Variants in DCC observed in about 807,000 individuals in gnomAD.
DCC encodes the protein DCC netrin 1 receptor, also known as netrin receptor DCC.
A neutral mutation model predicts 172.5 loss-of-function variants in DCC; 58 were observed. The observed-to-expected ratio is 0.34, with a 90% confidence interval of 0.27 to 0.42. The LOEUF is 0.42. Ranked by LOEUF, DCC falls within the 10% of genes least tolerant of loss-of-function variation. The pLI, the probability that DCC is intolerant of heterozygous loss-of-function variation, is 1.00. For missense variants in DCC, 1,740 were observed against 1,791.0 expected (o/e 0.97, Z 0.51); for synonymous variants, 709 against 644.5 (o/e 1.10, Z -1.52).
chr18:52,610,042 G>A (rs1215303214), intron 1 of DCC, among the ~76,000 whole-genome samples: 6 of 148,324 alleles, frequency 4.0e-5, no homozygotes, highest in Admixed American at 6.7e-5. Context: ...GACTGGGCGC[G>A]GTGGCTTACA....
intron 1 of DCC, among the ~76,000 whole-genome samples, chr18:52,688,826 G>A (rs911781602): frequency 5.9e-5 from 9 of 151,956 alleles, no homozygotes; most frequent in African/African-American, 1.7e-4. Context: ...AATAACAGTA[G>A]CTCTTTTTTG....
chr18:53,160,806 T>C (rs1314619805), intron 8 of DCC, among the ~76,000 whole-genome samples: 3 of 152,208 alleles, frequency 2.0e-5, no homozygotes, highest in Non-Finnish European at 4.4e-5. Flanking sequence ...TCATGTAATA[T>C]AAGAAGGGGA....
chr18:53,464,979 C>CAAA (rs71179510), intron 24 of DCC, among the ~76,000 whole-genome samples: 1,971 of 54,734 alleles, frequency 0.036, 62 homozygotes, highest in African/African-American at 0.11. Flanking sequence ...AACTCAATCT[C>CAAA]AAAAAAAAAA....
In DCC at chr18:52,752,195, G is replaced by A. The variant is rs552730020; in HGVS notation, c.233G>A (p.Gly78Asp). The change falls in exon 2 of 29, where the codon GGC (glycine) becomes GAC (aspartate). Residue 78 changes from glycine (G) to aspartate (D), a missense_variant. By Grantham distance (94) the Gly-to-Asp change is moderately conservative. Coordinates refer to ENST00000442544, the MANE Select transcript of DCC (RefSeq NM_005215.4). ...CCAGTGATCAAGTGGAAGAAAGATG[G>A]CATTCATCTGGCCTTGGGAATGGAT... Reference protein sequence around the residue: ...GVPVIKWKKDGIHLALGMDER... With the variant: ...GVPVIKWKKDDIHLALGMDER... 2.5e-6 allele frequency: 4 copies of A among 1,614,040 alleles called. No homozygotes were observed. The highest frequency in any genetic ancestry group is 3.4e-6 in the Non-Finnish European group (4 of 1,180,052).
chr18:52,768,746 T>A (rs894014866), intron 2 of DCC, among the ~76,000 whole-genome samples: 17 of 152,182 alleles, frequency 1.1e-4, no homozygotes, highest in African/African-American at 4.1e-4. Context: ...CTTTCTGTCA[T>A]TATTTAGCAT....
At chr18:52,501,942 C>G (rs930380194) in intron 1 of DCC, among the ~76,000 whole-genome samples, 1 of 152,146 alleles carries the variant, frequency 6.6e-6, no homozygotes, top group South Asian at 2.1e-4. Flanking sequence ...AATGTTAATT[C>G]TGTCTCTCCA....
At chr18:52,855,351 C>T (rs2039035406) in intron 2 of DCC, among the ~76,000 whole-genome samples, 1 of 152,138 alleles carries the variant, frequency 6.6e-6, no homozygotes, top group South Asian at 2.1e-4. Flanking sequence ...TACTTATTTT[C>T]TCCCTGTATT....
intron 2 of DCC, among the ~76,000 whole-genome samples, chr18:52,787,485 T>C (rs1012934257): frequency 6.6e-6 from 1 of 152,140 alleles, no homozygotes; most frequent in Non-Finnish European, 1.5e-5. Context: ...TTAATTATGA[T>C]TGATAGCATA....
chr18:52,905,395 A>G (rs929425732), intron 2 of DCC, among the ~76,000 whole-genome samples: 11 of 152,204 alleles, frequency 7.2e-5, no homozygotes, highest in African/African-American at 2.7e-4. Flanking sequence ...TGGCTCAACT[A>G]GTCTAGAAAC....
At chr18:53,419,375 T>A (rs892861551) in intron 21 of DCC, among the ~76,000 whole-genome samples, 17 of 152,160 alleles carry the variant, frequency 1.1e-4, no homozygotes, top group Admixed American at 1.1e-3. Flanking sequence ...AAATAGTAGG[T>A]CTTACTCATT....
intron 2 of DCC, among the ~76,000 whole-genome samples, chr18:52,815,332 C>A (rs908965038): frequency 8.6e-5 from 13 of 151,780 alleles, no homozygotes; most frequent in Non-Finnish European, 1.3e-4. Context: ...AGAGTGGGTC[C>A]CTAATCCGAT....
At chr18:53,201,422 C>T (rs1325490934) in intron 9 of DCC, among the ~76,000 whole-genome samples, 1 of 152,140 alleles carries the variant, frequency 6.6e-6, no homozygotes, top group Non-Finnish European at 1.5e-5. Flanking sequence ...CTGGATCCCT[C>T]ACATACGGCA....
intron 5 of DCC, among the ~76,000 whole-genome samples, chr18:53,046,425 T>G (rs1026134388): frequency 5.3e-5 from 8 of 151,596 alleles, no homozygotes; most frequent in African/African-American, 1.7e-4. Flanking sequence ...TCAAGCTGAA[T>G]AGCATTGAAC....
At chr18:53,383,975 T>C (rs922564581) in intron 15 of DCC, among the ~76,000 whole-genome samples, 6 of 152,152 alleles carry the variant, frequency 3.9e-5, no homozygotes, top group Admixed American at 3.9e-4. Flanking sequence ...CATTAGTCTT[T>C]AATTTTGTTT....
At chr18:53,436,912 G>C (rs927884546) in intron 22 of DCC, among the ~76,000 whole-genome samples, 1 of 152,128 alleles carries the variant, frequency 6.6e-6, no homozygotes, top group African/African-American at 2.4e-5. Context: ...ATGCCTTCCA[G>C]CTGTGTTCTC....
At chr18:53,482,293 A>G (rs1162672000) in intron 25 of DCC, among the ~76,000 whole-genome samples, 1 of 152,160 alleles carries the variant, frequency 6.6e-6, no homozygotes, top group Non-Finnish European at 1.5e-5. Flanking sequence ...ATGTCACAAA[A>G]TAATGAACAC....
intron 2 of DCC, among the ~76,000 whole-genome samples, chr18:52,846,608 AACACACACACACACACACACACACACAC>A (rs71175524): frequency 0.1 from 13,588 of 130,580 alleles, 714 homozygotes; most frequent in South Asian, 0.24. Context: ...TGCCACTCCA[AACACACACACACACACACACACACACAC>A]ACACACACAC....
intron 15 of DCC, among the ~76,000 whole-genome samples, chr18:53,357,520 A>G (rs564751634): frequency 3.4e-4 from 52 of 152,344 alleles, no homozygotes; most frequent in East Asian, 2.5e-3. Flanking sequence ...ATACATGAAT[A>G]AAAAATGAAT....
intron 8 of DCC, among the ~76,000 whole-genome samples, chr18:53,171,777 C>T (rs1396657977): frequency 6.6e-6 from 1 of 151,830 alleles, no homozygotes; most frequent in Non-Finnish European, 1.5e-5. Flanking sequence ...GAAAAAACTG[C>T]TCAACATCAC....
Sources: gnomAD v4.1 joint callset for allele counts (sites outside exome capture counted in the v4.1 genomes callset) on GRCh38, gnomAD v4.1.1 for gene constraint, MANE v1.5 for transcripts, NCBI Gene and HGNC (gene_info 2026-07-23, HGNC 2026-07-21) for gene names.